Variants in RBFOX1 observed in about 807,000 individuals in gnomAD.
RBFOX1 encodes RNA binding protein fox-1 homolog 1.
In RBFOX1, 8 loss-of-function variants were observed where a neutral mutation model predicts 57.7. The observed-to-expected ratio is 0.14, with a 90% CI of 0.08 to 0.25. The LOEUF is 0.25. Ranked by LOEUF, RBFOX1 falls within the 10% of genes least tolerant of loss-of-function variation. The pLI is 1.00. For missense variants in RBFOX1, 611 were observed against 548.5 expected (o/e 1.11, Z -1.14); for synonymous variants, 326 against 222.4 (o/e 1.47, Z -4.15).
chr16:5,412,276 A>C (rs2067042445), intron 1 of RBFOX1, among the ~76,000 whole-genome samples: 2 of 152,180 alleles, frequency 1.3e-5, no homozygotes, highest in Non-Finnish European at 1.5e-5. Context: ...AGGAACACCA[A>C]CTCAGAGTTA....
At chr16:7,213,910 A>G (rs1262859654) in intron 4 of RBFOX1, among the ~76,000 whole-genome samples, 2 of 151,176 alleles carry the variant, frequency 1.3e-5, no homozygotes, top group East Asian at 1.9e-4. Context: ...GCCAGAGGGC[A>G]TGCAGGAACT....
chr16:5,443,847 A>G (rs1441793364), intron 1 of RBFOX1, among the ~76,000 whole-genome samples: 4 of 152,164 alleles, frequency 2.6e-5, no homozygotes, highest in Non-Finnish European at 4.4e-5. Context: ...ATTTTTTGAA[A>G]GTCTGGGCTT....
chr16:6,454,878 T>TGG (rs796297441), intron 2 of RBFOX1, among the ~76,000 whole-genome samples: 97,240 of 122,288 alleles, frequency 0.8, 38,351 homozygotes, highest in Middle Eastern at 0.85. Context: ...TTTTTTTTTT[T>TGG]TTTTTTTTTT....
chr16:7,070,984 A>G (rs771791430), intron 4 of RBFOX1, among the ~76,000 whole-genome samples: 2 of 152,166 alleles, frequency 1.3e-5, no homozygotes, highest in Non-Finnish European at 1.5e-5. Context: ...CCAGAGTGGC[A>G]TGTTGTCAAG....
chr16:6,729,060 C>T (rs549397168), intron 3 of RBFOX1, among the ~76,000 whole-genome samples: 1 of 152,164 alleles, frequency 6.6e-6, no homozygotes, highest in African/African-American at 2.4e-5. Flanking sequence ...CTGTTTCTCA[C>T]ATATTCCCAG....
intron 3 of RBFOX1, among the ~76,000 whole-genome samples, chr16:6,782,313 T>C (rs761343103): frequency 1.1e-3 from 160 of 152,300 alleles, no homozygotes; most frequent in Non-Finnish European, 1.4e-3. Context: ...TGTTATAAAC[T>C]ACCATCTTAG....
intron 3 of RBFOX1, among the ~76,000 whole-genome samples, chr16:6,805,194 T>C (rs747434472): frequency 2.0e-5 from 3 of 152,150 alleles, no homozygotes; most frequent in Non-Finnish European, 4.4e-5. Flanking sequence ...ATCTACACCA[T>C]GGAATACTAT....
At chr16:6,865,189 G>C (rs894699276) in intron 3 of RBFOX1, among the ~76,000 whole-genome samples, 3 of 151,740 alleles carry the variant, frequency 2.0e-5, no homozygotes, top group African/African-American at 7.3e-5. Context: ...TTTTAGTAGA[G>C]ATGGGGTTTT....
intron 2 of RBFOX1, among the ~76,000 whole-genome samples, chr16:6,451,940 C>A (rs1465683116): frequency 6.6e-6 from 1 of 150,820 alleles, no homozygotes; most frequent in African/African-American, 2.4e-5. Flanking sequence ...ATGACCCCTC[C>A]CTCCCATGAG....
chr16:6,456,098 A>T (rs1359752936), intron 2 of RBFOX1, among the ~76,000 whole-genome samples: 1 of 152,204 alleles, frequency 6.6e-6, no homozygotes, highest in East Asian at 1.9e-4. Flanking sequence ...TTCTTCTTTC[A>T]ACAATAATTT....
At chr16:7,189,149 G>C (rs1421879650) in intron 4 of RBFOX1, among the ~76,000 whole-genome samples, 1 of 151,908 alleles carries the variant, frequency 6.6e-6, no homozygotes, top group Non-Finnish European at 1.5e-5. Flanking sequence ...CTCAGGGCTG[G>C]GCACGGTGGC....
At chr16:7,398,157 C>T (rs1301620240) in intron 4 of RBFOX1, among the ~76,000 whole-genome samples, 3 of 152,144 alleles carry the variant, frequency 2.0e-5, no homozygotes, top group African/African-American at 7.2e-5. Flanking sequence ...TCTTTTGGAC[C>T]CATTTCAAAC....
At chr16:5,534,460 G>C (rs1295799790) in intron 2 of RBFOX1, among the ~76,000 whole-genome samples, 2 of 152,168 alleles carry the variant, frequency 1.3e-5, no homozygotes, top group Non-Finnish European at 2.9e-5. Flanking sequence ...GTCTGTGGTG[G>C]AAGGTGCGAG....
chr16:5,467,154 C>T (rs1254585066), intron 1 of RBFOX1: 1 of 1,385,402 alleles, frequency 7.2e-7, no homozygotes, highest in Non-Finnish European at 9.6e-7. Flanking sequence ...GCAATTGTTT[C>T]AATGTAGACT....
At chr16:6,585,030 G>A (rs567889620) in intron 2 of RBFOX1, among the ~76,000 whole-genome samples, 4 of 152,266 alleles carry the variant, frequency 2.6e-5, no homozygotes, top group African/African-American at 9.6e-5. Flanking sequence ...GGCAGAACCT[G>A]GTCAAGGCTT....
At position 5,701,330 on chromosome 16, in the gene RBFOX1, T is replaced by C. The variant is rs141837483; in HGVS notation, c.318+102369T>C. Among the ~76,000 whole-genome samples the C allele has an allele frequency of 3.9e-5, 6 of 152,366 alleles. No homozygotes were observed. In the East Asian group the frequency reaches 1.2e-3, roughly 29 times the overall value. On this transcript the variant is annotated intron_variant, in intron 3 of 19. Coordinates refer to the RBFOX1 transcript ENST00000641259. ...TGCAAACAAATACAAAAGGAAATCA[T>C]TTGAAAGTTTATTTTGCATGTAGAG...
chr16:7,695,388 C>G (rs979139575), intron 14 of RBFOX1, among the ~76,000 whole-genome samples: 3 of 107,108 alleles, frequency 2.8e-5, no homozygotes, highest in African/African-American at 1.0e-4. Flanking sequence ...GCATCATCTC[C>G]TACATGCTGA....
chr16:7,153,037 T>C (rs1244739042), intron 4 of RBFOX1, among the ~76,000 whole-genome samples: 1 of 152,216 alleles, frequency 6.6e-6, no homozygotes, highest in Non-Finnish European at 1.5e-5. Flanking sequence ...TTTTTGTTTG[T>C]CATTTGGTTA....
chr16:7,710,504 G>A lies in RBFOX1; in HGVS notation c.1072-119G>A, dbSNP rs201808714. 1.8e-5 allele frequency: 29 copies of A among 1,568,028 alleles called. No homozygotes were observed. The East Asian group carries it at 6.5e-4, about 35-fold the overall frequency. On this transcript the variant is annotated intron_variant, in intron 15 of 15. Coordinates refer to ENST00000550418, the MANE Select transcript of RBFOX1 (RefSeq NM_018723.4). ...CTCCAAGAATGACCTGGGATGGGTA[G>A]GGGGTGCCTCCATTTCGGTTGGTTT... is the stretch of plus-strand genomic sequence containing the variant.
Sources: allele counts gnomAD v4.1 joint callset (sites outside exome capture counted in the v4.1 genomes callset), GRCh38; gene constraint gnomAD v4.1.1; transcripts MANE v1.5; gene names NCBI Gene and HGNC (gene_info 2026-07-23, HGNC 2026-07-21).